The following PCDHGA2 variants were observed in gnomAD, a reference collection of about 807,000 sequenced individuals.
PCDHGA2 encodes the protein protocadherin gamma subfamily A, 2, also known as protocadherin gamma-A2.
Under a neutral mutation model 59.2 loss-of-function variants are expected in PCDHGA2, and 40 were observed. That is an observed-to-expected ratio of 0.68 (90% CI 0.52 to 0.88). The LOEUF is 0.88. Ranked by LOEUF, PCDHGA2 falls within the 40% of genes least tolerant of loss-of-function variation. The pLI, the probability that PCDHGA2 is intolerant of heterozygous loss-of-function variation, is 0.00. For synonymous variants in PCDHGA2, 560 were observed against 526.0 expected, an observed-to-expected ratio of 1.06 and a Z score of -0.89; for missense variants, 1,226 against 1,204.0, an observed-to-expected ratio of 1.02 and a Z score of -0.27.
intron 1 of PCDHGA2, chr5:141,405,186 G>A (rs762537440): frequency 6.2e-6 from 10 of 1,612,892 alleles, no homozygotes; most frequent in Non-Finnish European, 8.5e-6. Context: ...GGTGTAGATG[G>A]GGTTCGAGCT....
At chr5:141,508,879 G>A (rs2547559) in intron 3 of PCDHGA2, among the ~76,000 whole-genome samples, 2 of 152,070 alleles carry the variant, frequency 1.3e-5, no homozygotes, top group East Asian at 3.9e-4. Context: ...AGAGGCTGAC[G>A]GCTGGAGGGG....
At chr5:141,372,739 G>A (rs778027776) in intron 1 of PCDHGA2, 1 of 1,613,668 alleles carries the variant, frequency 6.2e-7, no homozygotes, top group Non-Finnish European at 8.5e-7. Context: ...GATCTTCTAT[G>A]TGATGAAGCC....
At chr5:141,505,345 G>C (rs776607130) in intron 2 of PCDHGA2, 48 bp from the exon 3 acceptor site, 3 of 1,613,086 alleles carry the variant, frequency 1.9e-6, no homozygotes, top group Non-Finnish European at 2.5e-6. Flanking sequence ...AGGGGCATGA[G>C]CTGTGCCGGC....
At chr5:141,377,665 G>A (rs1040007479) in intron 1 of PCDHGA2, 1 of 151,618 alleles carries the variant, frequency 6.6e-6, no homozygotes, top group Non-Finnish European at 1.5e-5. Flanking sequence ...AACGACAGAC[G>A]TTCATACAAG....
intron 1 of PCDHGA2, chr5:141,365,998 C>G: frequency 6.2e-7 from 1 of 1,614,234 alleles, no homozygotes. Context: ...TGGACCAGAA[C>G]GACAATACGC....
At chr5:141,374,199 T>C in intron 1 of PCDHGA2, 2 of 1,613,856 alleles carry the variant, frequency 1.2e-6, no homozygotes, top group Non-Finnish European at 1.7e-6. Flanking sequence ...CCCGAGGAGC[T>C]GGAGAAAGGC....
intron 3 of PCDHGA2, among the ~76,000 whole-genome samples, chr5:141,506,923 C>G: frequency 6.6e-6 from 1 of 152,184 alleles, no homozygotes; most frequent in African/African-American, 2.4e-5. Flanking sequence ...ACATACTAAA[C>G]AAACTTTAGG....
At chr5:141,341,469 T>C in intron 1 of PCDHGA2, 74 bp downstream of exon 1, 2 of 1,592,980 alleles carry the variant, frequency 1.3e-6, no homozygotes, top group Middle Eastern at 1.7e-4. Flanking sequence ...ACTATATCTA[T>C]TTTGTTCCCC....
rs1333168918 is a variant in PCDHGA2, at chr5:141,375,648, A to G, written c.2424+34253A>G. On this transcript the variant is annotated intron_variant, in intron 1 of 3. Coordinates refer to ENST00000394576, the MANE Select transcript of PCDHGA2 (RefSeq NM_018915.4). The stretch of plus-strand genomic sequence containing the variant: ...CTGTACGCCCTGCGCTCCTTCGACT[A>G]TGAGCAGTTGAGAGACCTACAGCTG... 3.7e-6 allele frequency: 6 copies of G among 1,614,030 alleles called. No individual in the cohort carries two copies. The African/African-American group carries it at 6.7e-5, about 18-fold the overall frequency.
intron 1 of PCDHGA2, chr5:141,410,048 C>T (rs1471679304): frequency 4.3e-6 from 7 of 1,613,042 alleles, no homozygotes; most frequent in Non-Finnish European, 4.2e-6. Flanking sequence ...TGAGCCCGGA[C>T]TCTTCAGCCT....
chr5:141,489,288 G>A lies in PCDHGA2; in HGVS notation c.2425-5519G>A. 6.3e-7 allele frequency: 1 copy of A among 1,575,870 alleles called. No homozygotes were observed. Among genetic ancestry groups the A allele is most frequent in the Non-Finnish European group, 8.6e-7 (1 of 1,161,152 alleles). On this transcript the variant is annotated intron_variant, in intron 1 of 3. Coordinates refer to ENST00000394576, the MANE Select transcript of PCDHGA2 (RefSeq NM_018915.4). The surrounding 1 kb of genome is among the most constrained non-coding windows in gnomAD (Gnocchi z 4.5). ...AGCTCGCTGGGAAATGGCAAGTGCT[G>A]TGCATGTTGTCCTTGTGCTGCTGGG...
chr5:141,448,806 G>A (rs1412164815), intron 1 of PCDHGA2, among the ~76,000 whole-genome samples: 1 of 152,008 alleles, frequency 6.6e-6, no homozygotes, highest in Admixed American at 6.5e-5. Context: ...TTAGCCAGGC[G>A]TGATGGCGGG....
At chr5:141,406,859 TC>T (rs1171504234) in intron 1 of PCDHGA2, among the ~76,000 whole-genome samples, 1 of 152,252 alleles carries the variant, frequency 6.6e-6, no homozygotes, top group African/African-American at 2.4e-5. Flanking sequence ...AAGAAAATAT[TC>T]TCAGGAACTG....
chr5:141,482,891 G>A (rs1594277958), intron 1 of PCDHGA2, among the ~76,000 whole-genome samples: 2 of 152,168 alleles, frequency 1.3e-5, no homozygotes, highest in East Asian at 3.8e-4. Flanking sequence ...GGCCAACATG[G>A]TGAAACCTCA....
intron 1 of PCDHGA2, among the ~76,000 whole-genome samples, chr5:141,449,177 G>T (rs2098631167): frequency 6.6e-6 from 1 of 152,028 alleles, no homozygotes. Flanking sequence ...AATTTTCTTA[G>T]GTATTTTCAC....
chr5:141,346,613 G>C (rs546078432), intron 1 of PCDHGA2: 2 of 1,116,250 alleles, frequency 1.8e-6, no homozygotes, highest in South Asian at 3.3e-5. Flanking sequence ...CCTATAGTAG[G>C]ACTGCACTCC....
At chr5:141,356,340 C>G in intron 1 of PCDHGA2, 1 of 1,554,780 alleles carries the variant, frequency 6.4e-7, no homozygotes, top group Non-Finnish European at 8.7e-7. Flanking sequence ...GAGGAAATGG[C>G]CTAGTCACAT....
intron 1 of PCDHGA2, among the ~76,000 whole-genome samples, chr5:141,438,587 CATACATAT>C (rs1166583123): frequency 1.2e-4 from 9 of 73,430 alleles, no homozygotes; most frequent in Non-Finnish European, 1.6e-4. Flanking sequence ...TACATACATA[CATACATAT>C]ATATATATAT....
chr5:141,361,424 C>A (rs1231481755), intron 1 of PCDHGA2: 1 of 1,613,912 alleles, frequency 6.2e-7, no homozygotes, highest in East Asian at 2.2e-5. Flanking sequence ...GGGGGCAAGC[C>A]GCCCCTCTCC....
Sources: gnomAD v4.1 joint callset for allele counts (sites outside exome capture counted in the v4.1 genomes callset) on GRCh38, gnomAD v4.1.1 for gene constraint, Gnocchi (gnomAD v3.1) non-coding constraint, MANE v1.5 for transcripts, NCBI Gene and HGNC (gene_info 2026-07-23, HGNC 2026-07-21) for gene names.